Variants in CAMTA2 observed in about 807,000 individuals in gnomAD.
CAMTA2 encodes the protein calmodulin-binding transcription activator 2.
Under a neutral mutation model 135.7 loss-of-function variants are expected in CAMTA2, and 56 were observed. That is an observed-to-expected ratio of 0.41 (90% confidence interval 0.33 to 0.52). CAMTA2 has a LOEUF of 0.52. Among genes scored for constraint, CAMTA2 ranks in the 20% least tolerant of loss-of-function variants. The probability of loss-of-function intolerance (pLI) is 0.16; values close to 1 mark genes in which losing one functional copy is unlikely to be tolerated. For synonymous variants in CAMTA2, 591 were observed against 604.6 expected (o/e 0.98, Z 0.33); for missense variants, 1,358 against 1,553.4 (o/e 0.87, Z 2.11).
At chr17:4,974,746 AG>A in intron 11 of CAMTA2, 1 of 418,672 alleles carries the variant, frequency 2.4e-6, no homozygotes, top group Non-Finnish European at 4.4e-6. Context: ...GTTTCCTTCA[AG>A]GTACAGAGGT....
chr17:4,968,456 TGCAGGCAGGAGGAGCTGGGGAGCAGGG>T lies in CAMTA2; in HGVS notation c.*273_*299del. ...CAAGTCAGGAGGGGGCCGAGTCGGG[TGCAGGCAGGAGGAGCTGGGGAGCAGGG>T]GCAGGCAGGGCTCCGGAGGTCACAG... On this transcript the variant is annotated 3_prime_UTR_variant, in exon 23 of 23. Coordinates refer to ENST00000348066, the MANE Select transcript of CAMTA2 (RefSeq NM_015099.4). 1 of 525,974 alleles carries T rather than the reference TGCAGGCAGGAGGAGCTGGGGAGCAGGG, an allele frequency of 1.9e-6. No homozygotes were observed. 32.6% of individuals were successfully genotyped at this position (525,974 alleles called of 1,614,324 possible).
chr17:4,978,832 C>G (rs1189005533), intron 9 of CAMTA2, among the ~76,000 whole-genome samples: 1 of 152,176 alleles, frequency 6.6e-6, no homozygotes, highest in Non-Finnish European at 1.5e-5. Flanking sequence ...GTTGCCTGGT[C>G]TCTACCTGAA....
Position 4,968,980 on chromosome 17 carries a change from C to T in CAMTA2, c.3472G>A (p.Gly1158Ser). The change falls in exon 22 of 23, where the codon GGC (glycine) becomes AGC (serine). Residue 1158 changes from glycine to serine, a missense_variant and splice_region_variant. Coordinates refer to ENST00000348066, the MANE Select transcript of CAMTA2 (RefSeq NM_015099.4). ...TCCTGCTTCTTGGTGAGAAAGGAGC[C>T]TCTGGTGAAAGAAACAAAAGATGGA... ...TSATLPARNK[G>S]SFLTKKQDQA... 1 of 1,613,988 alleles carries T rather than the reference C, an allele frequency of 6.2e-7. No homozygotes were observed. The highest frequency in any genetic ancestry group is 1.1e-5 in the South Asian group (1 of 91,070).
At chr17:4,981,421 T>C in intron 7 of CAMTA2, 62 bp from the exon 8 acceptor site, 1 of 1,589,370 alleles carries the variant, frequency 6.3e-7, no homozygotes, top group East Asian at 2.2e-5. Context: ...AGTACCTTGA[T>C]GGCTCCTCCA....
chr17:4,974,476 A>C lies in CAMTA2; in HGVS notation c.1925T>G (p.Leu642Arg). ...CTTCTCCATCTGCTCCAGTCGCTCT[A>C]GTATGGACATCCGGAACTGGTTGTC... Reference protein sequence around the residue: ...LDDNQFRMSILERLEQMEKRM... With the variant: ...LDDNQFRMSIRERLEQMEKRM... Residue 642 changes from leucine (L) to arginine (R), a missense_variant, in exon 12 of 23, where the codon CTA (leucine) becomes CGA (arginine). Physicochemically the swap from Leu to Arg is moderately radical, Grantham distance 102. Coordinates refer to ENST00000348066, the MANE Select transcript of CAMTA2 (RefSeq NM_015099.4). The C allele has an allele frequency of 6.2e-7, 1 of 1,613,738 alleles. No homozygotes were observed. The highest frequency in any genetic ancestry group is 8.5e-7 in the Non-Finnish European group (1 of 1,179,684).
rs368771812 is a variant in CAMTA2 at position 4,986,165 on chromosome 17, C to T, written c.31+27G>A. The stretch of plus-strand genomic sequence containing the variant: ...TGGGGAGAACGAAAGGCTGTGGCCA[C>T]ATTGGGAACCTGGTTTGTGAACTTA... On this transcript the variant is annotated intron_variant, in intron 2 of 22. Coordinates refer to ENST00000348066, the MANE Select transcript of CAMTA2 (RefSeq NM_015099.4). 81 of 1,382,162 alleles carry T rather than the reference C, an allele frequency of 5.9e-5. No individual in the cohort carries two copies. The African/African-American group carries it at 1.0e-3, about 18-fold the overall frequency. The allele number at this position is 1,382,162 out of a possible 1,614,324, so 85.6% of individuals were successfully genotyped here. A position where few individuals can be genotyped will look rare whatever the true frequency, so the allele number is the denominator to read the frequency against.
chr17:4,978,350 G>A (rs1215203275), intron 10 of CAMTA2, among the ~76,000 whole-genome samples, 154 bp downstream of exon 10: 1 of 152,174 alleles, frequency 6.6e-6, no homozygotes, highest in Non-Finnish European at 1.5e-5. Flanking sequence ...CTGCCTGCTG[G>A]GAGAGCTTGG....
At chr17:4,977,458 C>T (rs535222616) in intron 10 of CAMTA2, among the ~76,000 whole-genome samples, 1 of 152,374 alleles carries the variant, frequency 6.6e-6, no homozygotes, top group Non-Finnish European at 1.5e-5. Context: ...GGTTTGGAAA[C>T]TGAGGGTCAA....
At chr17:4,973,125 G>T in intron 14 of CAMTA2, 50 bp downstream of exon 14, 1 of 1,541,846 alleles carries the variant, frequency 6.5e-7, no homozygotes, top group Non-Finnish European at 8.8e-7. Flanking sequence ...TTCAAGGGCT[G>T]TTCCCATTGC....
At chr17:4,987,563 G>T (rs892071672) in intron 1 of CAMTA2, 30 bp downstream of exon 1, 9 of 1,509,902 alleles carry the variant, frequency 6.0e-6, no homozygotes, top group Non-Finnish European at 7.1e-6. Flanking sequence ...CGCGGGGGCG[G>T]AGAGGCGGGC....
chr17:4,987,196 G>A, intron 1 of CAMTA2: 1 of 1,338,190 alleles, frequency 7.5e-7, no homozygotes, highest in Non-Finnish European at 9.5e-7. Context: ...TCCTTGGGCT[G>A]CACTTGGGCG....
chr17:4,976,789 C>T (rs556503489), intron 11 of CAMTA2, among the ~76,000 whole-genome samples: 31 of 152,280 alleles, frequency 2.0e-4, no homozygotes, highest in African/African-American at 7.5e-4. Context: ...CCTGCCCTGC[C>T]TCTTAGCCTT....
At position 4,973,584 on chromosome 17, in the gene CAMTA2, C is replaced by T; in HGVS notation, c.2201+1G>A. 6.2e-7 allele frequency: 1 copy of T among 1,610,788 alleles called. No individual in the cohort carries two copies. Among genetic ancestry groups the T allele is most frequent in the Non-Finnish European group, 8.5e-7 (1 of 1,179,416 alleles). On this transcript the variant is annotated splice_donor_variant, in intron 13 of 22. Transcript: ENST00000348066. LOFTEE classifies it high-confidence loss of function. ...GCCCTCACCCAGCTGCCCTTGCTCA[C>T]CGCCACTGGCTCAGGGTCTCGATGA...
chr17:4,982,168 G>T lies in CAMTA2; in HGVS notation c.340-8C>A. 2.3e-6 allele frequency: 2 copies of T among 856,078 alleles called. No individual in the cohort carries two copies. The highest frequency in any genetic ancestry group is 3.7e-6 in the Non-Finnish European group (2 of 544,444). 53.0% of individuals were successfully genotyped at this position (856,078 alleles called of 1,614,324 possible). A position where few individuals can be genotyped will look rare whatever the true frequency, so the allele number is the denominator to read the frequency against. Reference sequence around the variant, plus strand: ...GTAGCAGCCATAGAGACACTGCCAGGAGACAGGCTGGGGTGGGGGGAGGGC... The same window carrying T: ...GTAGCAGCCATAGAGACACTGCCAGTAGACAGGCTGGGGTGGGGGGAGGGC... On this transcript the variant is annotated splice_polypyrimidine_tract_variant and splice_region_variant and intron_variant, in intron 5 of 22. Coordinates refer to ENST00000348066, the MANE Select transcript of CAMTA2 (RefSeq NM_015099.4).
At chr17:4,987,334 C>T in intron 1 of CAMTA2, 1 of 1,343,532 alleles carries the variant, frequency 7.4e-7, no homozygotes, top group South Asian at 1.9e-5. Flanking sequence ...GCAGAGTCCG[C>T]GGGCACGCGG....
chr17:4,986,741 C>T (rs1597789411), intron 1 of CAMTA2: 1 of 554,224 alleles, frequency 1.8e-6, no homozygotes. Flanking sequence ...GCCCTGAGTT[C>T]CTTCTCTGTT....
At chr17:4,986,138 C>A in intron 2 of CAMTA2, 54 bp downstream of exon 2, 1 of 1,174,210 alleles carries the variant, frequency 8.5e-7, no homozygotes, top group South Asian at 1.2e-5. Context: ...GCCACTAAAG[C>A]GTGGGGAGAA....
chr17:4,969,954 C>T lies in CAMTA2; in HGVS notation c.3137G>A (p.Arg1046Gln), dbSNP rs777468041. The change falls in exon 18 of 23, where the codon CGG becomes CAG. Residue 1046 changes from arginine (R) to glutamine (Q), a missense_variant. Arg to Gln is a conservative substitution (Grantham distance 43). This residue lies in a region of CAMTA2 where 167 missense variants were observed against 207.0 expected (regional missense o/e 0.81). Coordinates refer to ENST00000348066, the MANE Select transcript of CAMTA2 (RefSeq NM_015099.4). This position sits in a 1 kb window ranked among gnomAD's most constrained non-coding sequence, Gnocchi z 5.6. ...GACTCGGGCAGCCTCATACAGTTCCCGCTGCTCGTGATCTGATAGTGTCAG... is the reference window on the plus strand; with the variant it reads ...GACTCGGGCAGCCTCATACAGTTCCTGCTGCTCGTGATCTGATAGTGTCAG... Reference protein sequence around the residue: ...ALLTLSDHEQRELYEAARVIQ... With the variant: ...ALLTLSDHEQQELYEAARVIQ... 6.2e-6 allele frequency: 10 copies of T among 1,614,084 alleles called. No individual in the cohort carries two copies. In the African/African-American group the frequency reaches 9.3e-5, roughly 15 times the overall value.
At chr17:4,987,008 T>C (rs900017292) in intron 1 of CAMTA2, 13 of 1,446,102 alleles carry the variant, frequency 9.0e-6, no homozygotes, top group Admixed American at 2.8e-5. Flanking sequence ...GGGGAACAGA[T>C]GGGAGCTGGC....
Sources: gnomAD v4.1 joint callset for allele counts (sites outside exome capture counted in the v4.1 genomes callset) on GRCh38, gnomAD v4.1.1 for gene constraint, gnomAD v4.1.1 regional missense constraint, Gnocchi (gnomAD v3.1) non-coding constraint, MANE v1.5 for transcripts, NCBI Gene and HGNC (gene_info 2026-07-23, HGNC 2026-07-21) for gene names.